Variants in USP6NL observed in about 807,000 individuals in gnomAD.
USP6NL encodes USP6 N-terminal like.
USP6NL carries 26 observed loss-of-function variants against 61.9 expected under a neutral mutation model. The ratio of observed to expected loss-of-function variants is 0.42; its 90% CI spans 0.31 to 0.58. The LOEUF (loss-of-function observed/expected upper bound fraction) is 0.58, where lower values mean the gene tolerates loss of function less well. USP6NL is among the 20% of genes least tolerant of loss of function. USP6NL has a pLI of 0.16. For missense variants in USP6NL, 1,114 were observed against 1,034.3 expected, an observed-to-expected ratio of 1.08 and a Z score of -1.06; for synonymous variants, 432 against 390.1, an observed-to-expected ratio of 1.11 and a Z score of -1.27.
At chr10:11,498,369 A>G (rs1335992354) in intron 7 of USP6NL, among the ~76,000 whole-genome samples, 1 of 150,752 alleles carries the variant, frequency 6.6e-6, no homozygotes, top group Non-Finnish European at 1.5e-5. Context: ...TGTAAGGTAC[A>G]CTGCTAAATG....
chr10:11,573,888 A>G (rs1470542639), intron 2 of USP6NL: 1 of 377,100 alleles, frequency 2.7e-6, no homozygotes, highest in Non-Finnish European at 4.7e-6. Context: ...GAAATGATGG[A>G]TTCAAAGTGA....
rs370759653 is a variant in USP6NL at position 11,499,488 on chromosome 10, G to C, written c.384+1613C>G. Among the ~76,000 whole-genome samples the C allele has an allele frequency of 6.6e-6, 1 of 152,214 alleles. No individual in the cohort carries two copies. Among genetic ancestry groups the C allele is most frequent in the Non-Finnish European group, 1.5e-5 (1 of 68,032 alleles). On this transcript the variant is annotated intron_variant, in intron 7 of 14. Transcript: ENST00000609104. The surrounding 1 kb of genome is among the most constrained non-coding windows in gnomAD (Gnocchi z 4.5). ...CAAAACTCATGTCCACCAAGAACCT[G>C]TGACTGTGACCTCATCTGGAAATGG... is the stretch of plus-strand genomic sequence containing the variant.
chr10:11,558,631 C>T (rs1566180159), intron 2 of USP6NL, among the ~76,000 whole-genome samples: 1 of 152,152 alleles, frequency 6.6e-6, no homozygotes, highest in African/African-American at 2.4e-5. Flanking sequence ...GGACTTTTTC[C>T]TCAAACACAC....
Position 11,595,081 on chromosome 10 carries a change from GAAGT to G in USP6NL, c.4+2546_4+2549del, listed in dbSNP as rs1838283237. Among the ~76,000 whole-genome samples, 1 of 152,188 alleles carries G rather than the reference GAAGT, an allele frequency of 6.6e-6. No individual in the cohort carries two copies. The highest frequency in any genetic ancestry group is 2.4e-5 in the African/African-American group (1 of 41,450). On this transcript the variant is annotated intron_variant, in intron 2 of 14. Transcript: ENST00000609104. This position sits in a 1 kb window ranked among gnomAD's most constrained non-coding sequence, Gnocchi z 5.3. ...ATTTTTTTAAAAGAATCTGAAGTGG[GAAGT>G]AAGGCGTTAAGTCCCCGATGGCATT...
intron 6 of USP6NL, among the ~76,000 whole-genome samples, 169 bp downstream of exon 6, chr10:11,509,426 C>T (rs191838967): frequency 1.1e-3 from 173 of 152,308 alleles, no homozygotes; most frequent in African/African-American, 4.0e-3. Flanking sequence ...TCGGGTATTA[C>T]GTTACTTACA....
chr10:11,519,309 T>C (rs1835104333), intron 4 of USP6NL, among the ~76,000 whole-genome samples: 1 of 152,172 alleles, frequency 6.6e-6, no homozygotes, highest in Non-Finnish European at 1.5e-5. Context: ...ACTTGTGAAT[T>C]TAAAGAGAAA....
At chr10:11,493,292 C>T in intron 7 of USP6NL, 64 bp from the exon 8 acceptor site, 1 of 1,370,872 alleles carries the variant, frequency 7.3e-7, no homozygotes, top group Non-Finnish European at 1.0e-6. Flanking sequence ...AACTCTATGA[C>T]AAATAATAAT....
rs1222652079 is a variant in USP6NL at position 11,553,769 on chromosome 10, G to A, written c.5-26202C>T. On this transcript the variant is annotated intron_variant, in intron 2 of 14. Transcript: ENST00000609104. This position sits in a 1 kb window ranked among gnomAD's most constrained non-coding sequence, Gnocchi z 4.8. ...AAATTAGCAAGGCATGGTGGTGGGCGCCTGTAATCCCAACTACTCGCGAGG... is the reference window on the plus strand; with the variant it reads ...AAATTAGCAAGGCATGGTGGTGGGCACCTGTAATCCCAACTACTCGCGAGG... Among the ~76,000 whole-genome samples the A allele has an allele frequency of 1.3e-5, 2 of 151,786 alleles. No homozygotes were observed. The highest frequency in any genetic ancestry group is 1.9e-4 in the East Asian group (1 of 5,180).
At position 11,537,819 on chromosome 10, in the gene USP6NL, T is replaced by C. The variant is rs1835891276; in HGVS notation, c.5-10252A>G. Among the ~76,000 whole-genome samples the C allele has an allele frequency of 2.0e-5, 3 of 152,160 alleles. No homozygotes were observed. In the South Asian group the frequency reaches 6.2e-4, roughly 31 times the overall value. ...CTCTGGGTGTGCCCACTTGTAATGC[T>C]ATTGCCCAAATGATTTCCCTTCCCG... On this transcript the variant is annotated intron_variant, in intron 2 of 14. Transcript: ENST00000609104. This position sits in a 1 kb window ranked among gnomAD's most constrained non-coding sequence, Gnocchi z 5.1.
In USP6NL at chr10:11,518,432, T is replaced by C; in HGVS notation, c.195+103A>G. ...CCAAAATCTAACAATGACTGTACCA[T>C]TCCCATATAATATGGCACTTAAAAT... is the stretch of plus-strand genomic sequence containing the variant. On this transcript the variant is annotated intron_variant, in intron 5 of 14. Coordinates refer to ENST00000609104, the MANE Select transcript of USP6NL (RefSeq NM_014688.5). This position sits in a 1 kb window ranked among gnomAD's most constrained non-coding sequence, Gnocchi z 5.3. The C allele has an allele frequency of 1.0e-6, 1 of 974,836 alleles. No homozygotes were observed. 60.4% of individuals were successfully genotyped at this position (974,836 alleles called of 1,614,324 possible).
chr10:11,500,634 G>C, intron 7 of USP6NL, among the ~76,000 whole-genome samples: 1 of 152,078 alleles, frequency 6.6e-6, no homozygotes, highest in East Asian at 1.9e-4. Context: ...TAATAATCTT[G>C]GGGCAAAGTC....
intron 5 of USP6NL, among the ~76,000 whole-genome samples, chr10:11,517,783 C>T (rs2133373649): frequency 6.6e-6 from 1 of 152,216 alleles, no homozygotes; most frequent in African/African-American, 2.4e-5. Flanking sequence ...CCAATTTCAC[C>T]TTCATTACCT....
At chr10:11,533,530 CAAG>C (rs1290888849) in intron 2 of USP6NL, among the ~76,000 whole-genome samples, 1 of 152,076 alleles carries the variant, frequency 6.6e-6, no homozygotes, top group South Asian at 2.1e-4. Context: ...GAACAGGAAG[CAAG>C]AAGATTAAAG....
In USP6NL at chr10:11,540,852, T is replaced by G. The variant is rs536052549; in HGVS notation, c.5-13285A>C. 6.6e-6 allele frequency among the ~76,000 whole-genome samples: 1 copy of G among 152,306 alleles called. No individual in the cohort carries two copies. The highest frequency in any genetic ancestry group is 2.1e-4 in the South Asian group (1 of 4,830). On this transcript the variant is annotated intron_variant, in intron 2 of 14. Transcript: ENST00000609104. This position sits in a 1 kb window ranked among gnomAD's most constrained non-coding sequence, Gnocchi z 5.0. ...AACTATGTTATCATCCTTTGAGTTATGTAAGTATTACTGGGTCCCTGAATG... is the reference window on the plus strand; with the variant it reads ...AACTATGTTATCATCCTTTGAGTTAGGTAAGTATTACTGGGTCCCTGAATG...
chr10:11,599,296 T>C (rs567314282), intron 1 of USP6NL, among the ~76,000 whole-genome samples: 1 of 152,338 alleles, frequency 6.6e-6, no homozygotes, highest in Non-Finnish European at 1.5e-5. Context: ...TAGAGTCTAG[T>C]CGCTTTGACC....
intron 2 of USP6NL, among the ~76,000 whole-genome samples, chr10:11,531,684 ACT>A (rs1366836936): frequency 6.6e-6 from 1 of 151,374 alleles, no homozygotes; most frequent in Non-Finnish European, 1.5e-5. Context: ...AAAAAAAAAA[ACT>A]ACATTATCCA....
At position 11,528,128 on chromosome 10, in the gene USP6NL, GAC is replaced by G. The variant is rs142649349; in HGVS notation, c.5-563_5-562del. 0.025 allele frequency among the ~76,000 whole-genome samples: 3,598 copies of G among 141,918 alleles called. 90 individuals are homozygous for G. The highest frequency in any genetic ancestry group is 0.073 in the African/African-American group (2,793 of 38,416). 93.1% of individuals were successfully genotyped at this position (141,918 alleles called of 152,430 possible). A position where few individuals can be genotyped will look rare whatever the true frequency, so the allele number is the denominator to read the frequency against. ...ACATATGTGTGTGGACACACACACA[GAC>G]ACACACACACACACACACACACACA... On this transcript the variant is annotated intron_variant, in intron 2 of 14. Coordinates refer to ENST00000609104, the MANE Select transcript of USP6NL (RefSeq NM_014688.5). The surrounding 1 kb of genome is among the most constrained non-coding windows in gnomAD (Gnocchi z 4.6).
chr10:11,522,310 G>A (rs190348342), intron 4 of USP6NL, among the ~76,000 whole-genome samples: 1 of 152,132 alleles, frequency 6.6e-6, no homozygotes. Flanking sequence ...TTTCATTGCA[G>A]AATGAATCAA....
intron 2 of USP6NL, among the ~76,000 whole-genome samples, chr10:11,549,583 T>C (rs1277340592): frequency 1.3e-5 from 2 of 152,218 alleles, no homozygotes; most frequent in African/African-American, 4.8e-5. Flanking sequence ...CTTTATTTTA[T>C]GTATAGTTCT....
Sources: allele counts gnomAD v4.1 joint callset (sites outside exome capture counted in the v4.1 genomes callset), GRCh38; gene constraint gnomAD v4.1.1; non-coding constraint Gnocchi (gnomAD v3.1); transcripts MANE v1.5; gene names NCBI Gene and HGNC (gene_info 2026-07-23, HGNC 2026-07-21).